DMD: variants seen among roughly 807,000 people sequenced by gnomAD.
DMD encodes dystrophin.
Under a neutral mutation model 330.1 loss-of-function variants are expected in DMD, and 63 were observed. The observed-to-expected ratio is 0.19, with a 90% CI of 0.16 to 0.24. The LOEUF is 0.24. Among genes scored for constraint, DMD ranks in the 10% least tolerant of loss-of-function variants. DMD has a pLI of 1.00. For synonymous variants in DMD, 1,223 were observed against 959.8 expected (o/e 1.27, Z -5.07); for missense variants, 3,344 against 2,684.1 (o/e 1.25, Z -5.43).
At chrX:32,737,617 G>C (rs182511339) in intron 7 of DMD, among the ~76,000 whole-genome samples, 2 of 111,849 alleles carry the variant, frequency 1.8e-5, no homozygotes, top group East Asian at 2.8e-4. Context: ...TTAAAAACAT[G>C]TATCTGTGGC....
intron 27 of DMD, among the ~76,000 whole-genome samples, 178 bp downstream of exon 27, chrX:32,448,278 T>C (rs986933798): frequency 3.6e-5 from 4 of 111,163 alleles, no homozygotes; most frequent in Admixed American, 9.5e-5. Flanking sequence ...AGTTGACAGA[T>C]TGAAAACAGG....
chrX:31,352,518 T>C (rs1301377521), intron 60 of DMD, among the ~76,000 whole-genome samples: 2 of 85,632 alleles, frequency 2.3e-5, no homozygotes, highest in Non-Finnish European at 4.4e-5. Flanking sequence ...CGATGCAGCA[T>C]CAAAGTTCAT....
chrX:33,210,963 C>G lies in DMD; in HGVS notation c.31+319G>C, dbSNP rs1049807381. ...ATAATAACTCAGATATACAAACTATCTCACAGCAATCAAAATAAATCTGTT... is the reference window on the plus strand; with the variant it reads ...ATAATAACTCAGATATACAAACTATGTCACAGCAATCAAAATAAATCTGTT... On this transcript the variant is annotated intron_variant, in intron 1 of 78. Transcript: ENST00000357033. Among the ~76,000 whole-genome samples the G allele has an allele frequency of 1.8e-5, 2 of 111,407 alleles. No homozygotes were observed. Among genetic ancestry groups the G allele is most frequent in the African/African-American group, 3.3e-5 (1 of 30,703 alleles).
At chrX:33,228,785 T>C (rs1234307188) in intron 1 of DMD, among the ~76,000 whole-genome samples, 3 of 109,084 alleles carry the variant, frequency 2.8e-5, no homozygotes, top group Non-Finnish European at 5.8e-5. Context: ...TGTTTGTTTA[T>C]TTTTAACAAA....
In DMD at chrX:32,300,482, C is replaced by CA. The variant is rs775923195; in HGVS notation, c.6117+9599dup. Among the ~76,000 whole-genome samples the CA allele has an allele frequency of 8.1e-4, 90 of 110,637 alleles. 2 individuals carry two copies. The highest frequency in any genetic ancestry group is 9.1e-4 in the Non-Finnish European group (48 of 52,586). The stretch of plus-strand genomic sequence containing the variant: ...GCATCAACAAGAACAAAAAGAACAA[C>CA]AAAAAAAACCCTGCACTTTACTGAT... On this transcript the variant is annotated intron_variant, in intron 42 of 78. Transcript: ENST00000357033.
At chrX:31,178,046 A>G in intron 70 of DMD, 76 bp from the exon 71 acceptor site, 1 of 1,111,754 alleles carries the variant, frequency 9.0e-7, no homozygotes, top group Non-Finnish European at 1.2e-6. Context: ...AAAGGTCAAA[A>G]TAAATAAAAT....
At chrX:31,760,357 C>T (rs1487460381) in intron 51 of DMD, among the ~76,000 whole-genome samples, 1 of 112,182 alleles carries the variant, frequency 8.9e-6, no homozygotes, top group Non-Finnish European at 1.9e-5. Flanking sequence ...CAGTTATGTG[C>T]TGCATAAGGA....
chrX:33,300,705 C>T (rs1171885638), intron 1 of DMD, among the ~76,000 whole-genome samples: 3 of 111,466 alleles, frequency 2.7e-5, no homozygotes, highest in East Asian at 2.9e-4. Context: ...CCTTGAACTT[C>T]CCCGCCTCCA....
intron 44 of DMD, among the ~76,000 whole-genome samples, chrX:32,094,341 A>C (rs2096492902): frequency 8.9e-6 from 1 of 112,155 alleles, no homozygotes; most frequent in African/African-American, 3.2e-5. Context: ...TTAAAACTCC[A>C]GTGTTCACTT....
chrX:31,384,363 T>C (rs945416699), intron 60 of DMD, among the ~76,000 whole-genome samples: 2 of 107,459 alleles, frequency 1.9e-5, no homozygotes, highest in Non-Finnish European at 3.9e-5. Flanking sequence ...CTACTACTAC[T>C]TTAGCTTCAT....
chrX:32,690,961 C>CAA (rs111799328), intron 9 of DMD, among the ~76,000 whole-genome samples: 2 of 108,512 alleles, frequency 1.8e-5, no homozygotes, highest in African/African-American at 6.7e-5. Flanking sequence ...GCAATAAAAG[C>CAA]AAAAAAAATA....
At chrX:33,259,471 C>T (rs2052914709) in intron 1 of DMD, among the ~76,000 whole-genome samples, 3 of 109,322 alleles carry the variant, frequency 2.7e-5, no homozygotes, top group Non-Finnish European at 5.7e-5. Flanking sequence ...TCAAATGCTC[C>T]AAAATTCAAA....
At chrX:31,152,184 C>CTTTT (rs1161340463) in intron 74 of DMD, among the ~76,000 whole-genome samples, 987 of 98,353 alleles carry the variant, frequency 0.01, 25 homozygotes, top group African/African-American at 0.037. Flanking sequence ...CTTTAAGCAT[C>CTTTT]TTTTTTTTTT....
At chrX:32,241,366 A>G (rs189640862) in intron 43 of DMD, among the ~76,000 whole-genome samples, 140 of 112,750 alleles carry the variant, frequency 1.2e-3, no homozygotes, top group African/African-American at 4.0e-3. Context: ...CACAGTTCCC[A>G]GCAGCAAGGC....
At chrX:31,211,964 A>G (rs1484528044) in intron 64 of DMD, among the ~76,000 whole-genome samples, 1 of 111,305 alleles carries the variant, frequency 9.0e-6, no homozygotes, top group Non-Finnish European at 1.9e-5. Context: ...GAATATCAAT[A>G]GGGACAATTT....
At chrX:32,573,254 G>A (rs2052634467) in intron 15 of DMD, among the ~76,000 whole-genome samples, 1 of 111,789 alleles carries the variant, frequency 8.9e-6, no homozygotes, top group Non-Finnish European at 1.9e-5. Context: ...AAGGCTCACA[G>A]ACATTTCTTA....
In DMD at chrX:31,783,891, TTATAA is replaced by T. The variant is rs576856053; in HGVS notation, c.7310-9704_7310-9700del. On this transcript the variant is annotated intron_variant, in intron 50 of 78. Transcript: ENST00000357033. ...TGTAGATTCTTTTGGTTCAAATCAATTATAATATATTTGCACAAGATCTGGACAGC... is the reference window on the plus strand; with the variant it reads ...TGTAGATTCTTTTGGTTCAAATCAATTATATTTGCACAAGATCTGGACAGC... 5.5e-4 allele frequency among the ~76,000 whole-genome samples: 62 copies of T among 111,824 alleles called. No individual in the cohort carries two copies. In the South Asian group the frequency reaches 0.014, roughly 26 times the overall value.
intron 44 of DMD, among the ~76,000 whole-genome samples, chrX:32,110,129 T>C (rs770939837): frequency 8.9e-6 from 1 of 112,379 alleles, no homozygotes; most frequent in African/African-American, 3.2e-5. Flanking sequence ...TTGTTCTTGT[T>C]TGATTGGCTG....
chrX:32,614,191 A>G (rs1251884614), intron 12 of DMD, 112 bp downstream of exon 12: 2 of 806,599 alleles, frequency 2.5e-6, no homozygotes, highest in Non-Finnish European at 3.5e-6. Context: ...AATATGGCTG[A>G]CTTTAAGTTT....
Sources: gnomAD v4.1 joint callset for allele counts (sites outside exome capture counted in the v4.1 genomes callset) on GRCh38, gnomAD v4.1.1 for gene constraint, MANE v1.5 for transcripts, NCBI Gene and HGNC (gene_info 2026-07-23, HGNC 2026-07-21) for gene names.